ZFYVE26: variants seen among roughly 807,000 people sequenced by gnomAD.
ZFYVE26 encodes the protein zinc finger FYVE-type containing 26.
Under a neutral mutation model 276.5 loss-of-function variants are expected in ZFYVE26, and 181 were observed. The observed-to-expected ratio is 0.65, with a 90% CI of 0.58 to 0.74. The LOEUF is 0.74. Ranked by LOEUF, ZFYVE26 falls within the 30% of genes least tolerant of loss-of-function variation. The pLI is 0.00. For missense variants in ZFYVE26, 2,821 were observed against 3,097.9 expected (o/e 0.91, Z 2.12); for synonymous variants, 1,129 against 1,203.1 (o/e 0.94, Z 1.27).
rs373621715 is a variant in ZFYVE26, at chr14:67,783,398, G to A, written c.3754C>T (p.Arg1252Cys). ...TGTAGCTGGGCCAGAGTACCCAGAC[G>A]AGTCAGGAGGGAGGAGGTCTGCTGG... ...QSQQTSSLLT[R>C]LGTLAQLHAS... The change falls in exon 21 of 42, where the codon CGT becomes TGT. Residue 1252 changes from arginine (R) to cysteine (C), a missense_variant. Coordinates refer to ENST00000347230, the MANE Select transcript of ZFYVE26 (RefSeq NM_015346.4). 11 of 1,614,072 alleles carry A rather than the reference G, an allele frequency of 6.8e-6. No homozygotes were observed. Among genetic ancestry groups the A allele is most frequent in the African/African-American group, 5.3e-5 (4 of 74,928 alleles).
At chr14:67,808,384 CT>C (rs1377668498) in intron 4 of ZFYVE26, among the ~76,000 whole-genome samples, 29 of 152,300 alleles carry the variant, frequency 1.9e-4, no homozygotes, top group Non-Finnish European at 7.3e-5. Flanking sequence ...TCAGTCCATT[CT>C]TTATCCTACT....
At chr14:67,809,690 G>A (rs1183773756) in intron 3 of ZFYVE26, among the ~76,000 whole-genome samples, 3 of 151,694 alleles carry the variant, frequency 2.0e-5, no homozygotes, top group Non-Finnish European at 4.4e-5. Context: ...CCAAAGTGCT[G>A]GGATTACAGA....
chr14:67,731,442 T>C (rs543088219), intron 13 of ZFYVE26, among the ~76,000 whole-genome samples: 4 of 151,912 alleles, frequency 2.6e-5, no homozygotes, highest in Non-Finnish European at 5.9e-5. Flanking sequence ...CTTGAACTCC[T>C]GACCTCAAGT....
intron 15 of ZFYVE26, 126 bp downstream of exon 15, chr14:67,790,446 A>G: frequency 4.8e-6 from 5 of 1,050,300 alleles, no homozygotes; most frequent in Non-Finnish European, 7.2e-6. Flanking sequence ...GCTGTTTTTC[A>G]AGGCAGGTGT....
chr14:67,776,116 G>C lies in ZFYVE26; in HGVS notation c.4975-10C>G, dbSNP rs1401582753. 4.3e-6 allele frequency: 7 copies of C among 1,613,876 alleles called. No homozygotes were observed. The highest frequency in any genetic ancestry group is 5.9e-6 in the Non-Finnish European group (7 of 1,179,982). On this transcript the variant is annotated splice_polypyrimidine_tract_variant and intron_variant, in intron 25 of 41. Transcript: ENST00000347230. ...GCAGGGTCAGCAGAATCTGTTTGTG[G>C]GGTAGATCCATAGAGTAAAGAAAAT...
chr14:67,743,602 G>A (rs1263233628), downstream of ZFYVE26, among the ~76,000 whole-genome samples: 1 of 152,156 alleles, frequency 6.6e-6, no homozygotes, highest in Non-Finnish European at 1.5e-5. Context: ...CAGGTTTGTG[G>A]GTAGAATTGA....
At chr14:67,757,095 CT>C (rs2038797862) in intron 35 of ZFYVE26, among the ~76,000 whole-genome samples, 1 of 152,200 alleles carries the variant, frequency 6.6e-6, no homozygotes, top group Non-Finnish European at 1.5e-5. Context: ...CACACAGAAT[CT>C]GGCCACTTCC....
intron 13 of ZFYVE26, among the ~76,000 whole-genome samples, chr14:67,741,172 C>A (rs12587408): frequency 0.18 from 27,719 of 152,144 alleles, 2,600 homozygotes; most frequent in Middle Eastern, 0.32. Flanking sequence ...GCATAATCTG[C>A]ACACCTTCAA....
intron 14 of ZFYVE26, among the ~76,000 whole-genome samples, chr14:67,792,559 A>G (rs976750636): frequency 1.3e-5 from 2 of 152,188 alleles, no homozygotes; most frequent in African/African-American, 4.8e-5. Flanking sequence ...TTCTCTCTAC[A>G]ATACAAATAT....
At chr14:67,784,933 C>A (rs138588291) in intron 19 of ZFYVE26, 126 bp downstream of exon 19, 2 of 1,007,148 alleles carry the variant, frequency 2.0e-6, no homozygotes, top group Non-Finnish European at 3.1e-6. Flanking sequence ...GAGAGGACAA[C>A]CTTATAAATC....
intron 32 of ZFYVE26, among the ~76,000 whole-genome samples, chr14:67,763,427 T>C (rs549972803): frequency 7.9e-5 from 12 of 152,348 alleles, no homozygotes; most frequent in South Asian, 4.1e-4. Context: ...GGTGGCCACA[T>C]AGGATCATAA....
chr14:67,729,676 A>C (rs2038242204), exon 14 of ZFYVE26: 2 of 582,560 alleles, frequency 3.4e-6, no homozygotes, highest in Admixed American at 2.3e-5. Context: ...TGCCATGGAG[A>C]TCTGGATCGT....
At chr14:67,788,379 G>C (rs2039711122) in intron 16 of ZFYVE26, among the ~76,000 whole-genome samples, 1 of 152,210 alleles carries the variant, frequency 6.6e-6, no homozygotes, top group Non-Finnish European at 1.5e-5. Context: ...CTGGGGGACA[G>C]AGCGAGATTC....
intron 21 of ZFYVE26, 67 bp downstream of exon 21, chr14:67,782,713 G>T: frequency 1.2e-6 from 2 of 1,600,828 alleles, no homozygotes; most frequent in Non-Finnish European, 1.7e-6. Flanking sequence ...GATTAAATGT[G>T]ATAATATACC....
rs1243397640 is a variant in ZFYVE26, at chr14:67,807,396, A to AC, written c.886+1dup. The AC allele has an allele frequency of 1.2e-6, 2 of 1,613,856 alleles. No homozygotes were observed. The highest frequency in any genetic ancestry group is 3.3e-5 in the Admixed American group (2 of 60,014). ...AAAGGAGCAGCAGCAAAGGGAACACACCTTTTCCCGAGGCTGTAGCCCTCG... is the reference window on the plus strand; with the variant it reads ...AAAGGAGCAGCAGCAAAGGGAACACACCCTTTTCCCGAGGCTGTAGCCCTCG... On this transcript the variant is annotated splice_donor_variant, in intron 5 of 41. Transcript: ENST00000347230. LOFTEE classifies it high-confidence loss of function.
intron 12 of ZFYVE26, chr14:67,797,388 T>C: frequency 4.3e-6 from 2 of 460,042 alleles, no homozygotes; most frequent in Non-Finnish European, 8.0e-6. Context: ...GTATAATACA[T>C]CTGTATATAT....
In ZFYVE26 at chr14:67,815,758, G is replaced by A; in HGVS notation, c.194+12C>T. 1 of 1,612,516 alleles carries A rather than the reference G, an allele frequency of 6.2e-7. No homozygotes were observed. ...ACCCTGGGACCGTCTGGTAGGAAAA[G>A]AGATCCCTTACCTCAGCAGATTTGG... On this transcript the variant is annotated intron_variant, in intron 2 of 41. Coordinates refer to ENST00000347230, the MANE Select transcript of ZFYVE26 (RefSeq NM_015346.4).
chr14:67,773,534 C>CAAAAAA (rs35244775), intron 27 of ZFYVE26, among the ~76,000 whole-genome samples: 1 of 117,928 alleles, frequency 8.5e-6, no homozygotes, highest in Non-Finnish European at 1.7e-5. Context: ...ATCCTGTCTC[C>CAAAAAA]AAAAAAAAAA....
At chr14:67,729,054 A>G (rs2038229387) in intron 14 of ZFYVE26, 1 of 874,928 alleles carries the variant, frequency 1.1e-6, no homozygotes, top group African/African-American at 1.6e-5. Context: ...CCGCCTGGCC[A>G]GGAGTGGTAC....
Sources: gnomAD v4.1 joint callset for allele counts (sites outside exome capture counted in the v4.1 genomes callset) on GRCh38, gnomAD v4.1.1 for gene constraint, MANE v1.5 for transcripts, NCBI Gene and HGNC (gene_info 2026-07-23, HGNC 2026-07-21) for gene names.